The following CUX1 variants were observed in gnomAD, a reference collection of about 807,000 sequenced individuals.
CUX1 encodes the protein protein CASP.
A neutral mutation model predicts 158.8 loss-of-function variants in CUX1; 31 were observed. That is an observed-to-expected ratio of 0.20 (90% CI 0.15 to 0.26). The LOEUF (loss-of-function observed/expected upper bound fraction) is 0.26, where lower values mean the gene tolerates loss of function less well. Among genes scored for constraint, CUX1 ranks in the 10% least tolerant of loss-of-function variants. The probability of loss-of-function intolerance (pLI) is 1.00; values close to 1 mark genes in which losing one functional copy is unlikely to be tolerated. For synonymous variants in CUX1, 879 were observed against 862.1 expected (o/e 1.02, Z -0.34); for missense variants, 1,589 against 2,014.6 (o/e 0.79, Z 4.04).
At position 102,242,253 on chromosome 7, in the gene CUX1, C is replaced by G. The variant is rs1455771769; in HGVS notation, c.3887+2669C>G. Among the ~76,000 whole-genome samples the G allele has an allele frequency of 5.4e-5, 8 of 148,954 alleles. 1 individual carries two copies. Among genetic ancestry groups the G allele is most frequent in the Non-Finnish European group, 1.2e-4 (8 of 67,414 alleles). On this transcript the variant is annotated intron_variant, in intron 23 of 23. Coordinates refer to ENST00000292535, the MANE Select transcript of CUX1 (RefSeq NM_181552.4). The stretch of plus-strand genomic sequence containing the variant: ...CTGAGACAGAGCCTTGCTCTGTCAC[C>G]CAGGCTGGAGTACAGCAGCACGATC...
chr7:102,255,305 C>G lies in CUX1; in HGVS notation c.*6263C>G. 2.0e-6 allele frequency: 2 copies of G among 983,570 alleles called. No individual in the cohort carries two copies. Among genetic ancestry groups the G allele is most frequent in the Non-Finnish European group, 2.4e-6 (2 of 829,792 alleles). 60.9% of individuals were successfully genotyped at this position (983,570 alleles called of 1,614,324 possible). A position where few individuals can be genotyped will look rare whatever the true frequency, so the allele number is the denominator to read the frequency against. ...CATTTTTGGATGAAGTGACATTTAG[C>G]TTTAACAAGACATTTCCAAAGCGCC... On this transcript the variant is annotated 3_prime_UTR_variant, in exon 24 of 24. Coordinates refer to ENST00000292535, the MANE Select transcript of CUX1 (RefSeq NM_181552.4).
chr7:102,030,155 G>T (rs778061418), intron 3 of CUX1, among the ~76,000 whole-genome samples: 5 of 152,130 alleles, frequency 3.3e-5, no homozygotes, highest in Non-Finnish European at 7.3e-5. Context: ...GGGATTACAG[G>T]CATGTGCCAC....
intron 2 of CUX1, among the ~76,000 whole-genome samples, chr7:101,955,841 G>A (rs1809698138): frequency 6.6e-6 from 1 of 152,012 alleles, no homozygotes; most frequent in South Asian, 2.1e-4. Flanking sequence ...CACAACTTTT[G>A]TTCTCTACCC....
intron 3 of CUX1, among the ~76,000 whole-genome samples, chr7:102,028,685 G>A (rs772482479): frequency 1.2e-4 from 18 of 152,206 alleles, no homozygotes; most frequent in Non-Finnish European, 2.4e-4. Context: ...GGAGCCATCT[G>A]GCAGACGGCA....
At chr7:102,016,080 G>A (rs10230051) in intron 2 of CUX1, among the ~76,000 whole-genome samples, 64,040 of 151,646 alleles carry the variant, frequency 0.42, 14,096 homozygotes, top group Non-Finnish European at 0.46. Context: ...CCAAGTAGCT[G>A]GGACGACAGG....
chr7:102,055,706 A>G (rs1312706299), intron 3 of CUX1, among the ~76,000 whole-genome samples: 1 of 152,236 alleles, frequency 6.6e-6, no homozygotes, highest in Non-Finnish European at 1.5e-5. Flanking sequence ...GCAATGGCCT[A>G]TTAAGTGAAA....
Position 102,197,141 on chromosome 7 carries a change from A to G in CUX1, c.1730A>G (p.Tyr577Cys). Reference protein sequence around the residue: ...HNIGQRIFGHYVLGLSQGSVS... With the variant: ...HNIGQRIFGHCVLGLSQGSVS... ...ATCGGACAACGTATTTTCGGACATT[A>G]TGTGTTGGGACTGTCTCAAGGGTCC... is the stretch of plus-strand genomic sequence containing the variant. Residue 577 changes from tyrosine to cysteine, a missense_variant, in exon 15 of 24, where the codon TAT becomes TGT. Physicochemically the swap from Tyr to Cys is radical, Grantham distance 194 (BLOSUM62 -2). Transcript: ENST00000292535. 1 of 1,614,208 alleles carries G rather than the reference A, an allele frequency of 6.2e-7. No individual in the cohort carries two copies. The highest frequency in any genetic ancestry group is 8.5e-7 in the Non-Finnish European group (1 of 1,180,042).
intron 14 of CUX1, among the ~76,000 whole-genome samples, chr7:102,265,969 C>T (rs1480769890): frequency 2.6e-5 from 4 of 151,948 alleles, no homozygotes; most frequent in Admixed American, 6.6e-5. Flanking sequence ...TTTGGGAGGC[C>T]GAGGTGGGTG....
At chr7:101,897,118 G>A (rs1801602707) in intron 1 of CUX1, among the ~76,000 whole-genome samples, 2 of 152,220 alleles carry the variant, frequency 1.3e-5, no homozygotes, top group Admixed American at 6.5e-5. Flanking sequence ...AAACTATTTA[G>A]GACGCATCTG....
chr7:102,248,379 C>A lies in CUX1; in HGVS notation c.3888-33C>A. 6.5e-7 allele frequency: 1 copy of A among 1,549,960 alleles called. No homozygotes were observed. Among genetic ancestry groups the A allele is most frequent in the Non-Finnish European group, 8.7e-7 (1 of 1,152,814 alleles). ...CAGAGGCCCTTTCCCCAGCAGCACC[C>A]CCCTCACGTCCCCGCCGCTTGTTGT... On this transcript the variant is annotated intron_variant, in intron 23 of 23. Coordinates refer to ENST00000292535, the MANE Select transcript of CUX1 (RefSeq NM_181552.4). This position sits in a 1 kb window ranked among gnomAD's most constrained non-coding sequence, Gnocchi z 5.8.
chr7:102,131,010 G>A (rs530117157), intron 8 of CUX1, among the ~76,000 whole-genome samples: 7 of 151,586 alleles, frequency 4.6e-5, no homozygotes, highest in African/African-American at 1.5e-4. Flanking sequence ...TTAGCCGGGC[G>A]TGGTGGTACA....
chr7:101,946,564 AAGAG>A (rs1180989093), intron 2 of CUX1, among the ~76,000 whole-genome samples: 6 of 148,742 alleles, frequency 4.0e-5, no homozygotes, highest in African/African-American at 1.2e-4. Flanking sequence ...AAAAAAAAAA[AAGAG>A]AGAAGGGTTT....
intron 15 of CUX1, among the ~76,000 whole-genome samples, chr7:102,197,912 C>G (rs1554518820): frequency 6.6e-6 from 1 of 152,182 alleles, no homozygotes. Flanking sequence ...AGCACCCTTT[C>G]TACCCCACCC....
chr7:101,860,018 C>G (rs1797271488), intron 1 of CUX1, among the ~76,000 whole-genome samples: 2 of 139,518 alleles, frequency 1.4e-5, no homozygotes, highest in South Asian at 2.7e-4. Context: ...CTTCCTTCCT[C>G]TCTCTTTCTG....
chr7:102,200,744 C>G (rs550770074), intron 17 of CUX1, among the ~76,000 whole-genome samples: 2 of 151,994 alleles, frequency 1.3e-5, no homozygotes, highest in South Asian at 4.1e-4. Flanking sequence ...TAAAAATTAT[C>G]AGAGGTCAGG....
intron 1 of CUX1, among the ~76,000 whole-genome samples, chr7:101,884,191 GCC>G (rs1799995192): frequency 6.6e-6 from 1 of 152,158 alleles, no homozygotes; most frequent in South Asian, 2.1e-4. Context: ...CATGCTTTTG[GCC>G]AATTTTTAGT....
intron 2 of CUX1, among the ~76,000 whole-genome samples, chr7:102,006,442 G>A (rs1048935434): frequency 6.6e-6 from 1 of 151,900 alleles, no homozygotes; most frequent in Non-Finnish European, 1.5e-5. Context: ...TATCACCCAC[G>A]CTAGAGTGAA....
chr7:102,280,521 C>T (rs143502024), intron 19 of CUX1, among the ~76,000 whole-genome samples: 1 of 152,230 alleles, frequency 6.6e-6, no homozygotes, highest in Admixed American at 6.5e-5. Context: ...TCCCCTCCCC[C>T]ACCCAGACTG....
At chr7:101,984,077 C>A (rs543062369) in intron 2 of CUX1, among the ~76,000 whole-genome samples, 1,564 of 16,780 alleles carry the variant, frequency 0.093, 147 homozygotes, top group Admixed American at 0.19. Flanking sequence ...TGTCCCCCCC[C>A]AAAAAAAAAA....
Sources: allele counts gnomAD v4.1 joint callset (sites outside exome capture counted in the v4.1 genomes callset), GRCh38; gene constraint gnomAD v4.1.1; non-coding constraint Gnocchi (gnomAD v3.1); transcripts MANE v1.5; gene names NCBI Gene and HGNC (gene_info 2026-07-23, HGNC 2026-07-21).